Variants in LRRC1 observed in about 807,000 individuals in gnomAD.
The protein encoded by LRRC1 is leucine rich repeat containing 1.
In LRRC1, 28 loss-of-function variants were observed where a neutral mutation model predicts 69.9. That is an observed-to-expected ratio of 0.40 (90% confidence interval 0.30 to 0.55). The LOEUF is 0.55. Among genes scored for constraint, LRRC1 ranks in the 20% least tolerant of loss-of-function variants. The probability of loss-of-function intolerance (pLI) is 0.47; values close to 1 mark genes in which losing one functional copy is unlikely to be tolerated. For missense variants in LRRC1, 498 were observed against 609.0 expected (o/e 0.82, Z 1.92); for synonymous variants, 236 against 240.2 (o/e 0.98, Z 0.16).
At chr6:53,847,242 T>C (rs1765977454) in intron 2 of LRRC1, among the ~76,000 whole-genome samples, 1 of 152,184 alleles carries the variant, frequency 6.6e-6, no homozygotes, top group Non-Finnish European at 1.5e-5. Context: ...AGCTTTGAAT[T>C]CGTGTTAGTG....
At chr6:53,883,867 T>C in intron 4 of LRRC1, 1 of 715,444 alleles carries the variant, frequency 1.4e-6, no homozygotes, top group South Asian at 1.5e-5. Context: ...CAGTCTGACA[T>C]GTCTGTTTTG....
intron 9 of LRRC1, 23 bp from the exon 10 acceptor site, chr6:53,904,356 T>C (rs977114032): frequency 1.2e-5 from 18 of 1,447,016 alleles, no homozygotes; most frequent in Non-Finnish European, 1.7e-5. Context: ...GTTAAATTAA[T>C]AGTGAAATTG....
At chr6:53,805,941 C>A (rs1203187346) in intron 1 of LRRC1, among the ~76,000 whole-genome samples, 1 of 152,234 alleles carries the variant, frequency 6.6e-6, no homozygotes, top group Admixed American at 6.5e-5. Context: ...ACCACCTCAC[C>A]TTCCCTCAGC....
chr6:53,898,608 C>T (rs181786871), intron 7 of LRRC1, among the ~76,000 whole-genome samples: 1 of 152,226 alleles, frequency 6.6e-6, no homozygotes, highest in East Asian at 1.9e-4. Context: ...AGCATAAACA[C>T]ACCAAAAAGT....
At chr6:53,797,774 T>A (rs1473159835) in intron 1 of LRRC1, among the ~76,000 whole-genome samples, 4 of 152,222 alleles carry the variant, frequency 2.6e-5, no homozygotes, top group African/African-American at 9.6e-5. Flanking sequence ...CAACTTCTGG[T>A]TTGCGCCAAT....
chr6:53,832,940 T>C (rs1254994457), intron 1 of LRRC1, among the ~76,000 whole-genome samples: 1 of 152,240 alleles, frequency 6.6e-6, no homozygotes, highest in Non-Finnish European at 1.5e-5. Flanking sequence ...TATTATATTA[T>C]TAAATATTCT....
At chr6:53,872,130 T>C (rs773946714) in intron 2 of LRRC1, among the ~76,000 whole-genome samples, 4 of 152,196 alleles carry the variant, frequency 2.6e-5, no homozygotes, top group Non-Finnish European at 5.9e-5. Flanking sequence ...TTATATATGG[T>C]GAGAGATAGG....
intron 11 of LRRC1, among the ~76,000 whole-genome samples, chr6:53,917,262 A>C (rs1180169128): frequency 6.6e-6 from 1 of 152,176 alleles, no homozygotes; most frequent in Non-Finnish European, 1.5e-5. Flanking sequence ...TTCAGGGAAC[A>C]GTGCCTTTTT....
chr6:53,914,818 C>G (rs1768516701), intron 11 of LRRC1, among the ~76,000 whole-genome samples: 1 of 152,146 alleles, frequency 6.6e-6, no homozygotes, highest in African/African-American at 2.4e-5. Flanking sequence ...TGGGGAATTT[C>G]CCCTGCCATG....
intron 2 of LRRC1, among the ~76,000 whole-genome samples, chr6:53,853,117 G>A (rs1309673764): frequency 5.9e-5 from 9 of 152,104 alleles, no homozygotes; most frequent in Non-Finnish European, 1.2e-4. Flanking sequence ...CTAGTTGAGT[G>A]TCTTTTATAA....
chr6:53,830,380 C>G (rs1437928856), intron 1 of LRRC1, among the ~76,000 whole-genome samples: 3 of 152,192 alleles, frequency 2.0e-5, no homozygotes, highest in Non-Finnish European at 4.4e-5. Context: ...TTGTTGGATA[C>G]TAATGGTCTG....
Position 53,795,020 on chromosome 6 carries a change from C to T in LRRC1, c.-237C>T, listed in dbSNP as rs1031564854. The T allele has an allele frequency of 1.4e-5, 5 of 368,286 alleles. No homozygotes were observed. Among genetic ancestry groups the T allele is most frequent in the African/African-American group, 4.2e-5 (2 of 47,258 alleles). 22.8% of individuals were successfully genotyped at this position (368,286 alleles called of 1,614,324 possible). A position where few individuals can be genotyped will look rare whatever the true frequency, so the allele number is the denominator to read the frequency against. Reference sequence around the variant, plus strand: ...CGGCGGGGGCGGCGACGGCGACTGGCGGGTGGGAGTGGAGGCACCGGCTGG... The same window carrying T: ...CGGCGGGGGCGGCGACGGCGACTGGTGGGTGGGAGTGGAGGCACCGGCTGG... On this transcript the variant is annotated 5_prime_UTR_variant, in exon 1 of 14. Transcript: ENST00000370888.
intron 2 of LRRC1, among the ~76,000 whole-genome samples, chr6:53,872,821 T>A (rs1241241913): frequency 1.4e-5 from 2 of 146,038 alleles, no homozygotes; most frequent in Non-Finnish European, 3.0e-5. Flanking sequence ...CAGTGGTACA[T>A]TCTTGGATCA....
intron 11 of LRRC1, among the ~76,000 whole-genome samples, chr6:53,915,993 G>A (rs1019996387): frequency 1.1e-4 from 17 of 149,498 alleles, no homozygotes; most frequent in Admixed American, 1.1e-3. Flanking sequence ...ATAACACATG[G>A]CAGCAGGAAA....
chr6:53,806,018 G>GT (rs1764627416), intron 1 of LRRC1, among the ~76,000 whole-genome samples: 1 of 152,100 alleles, frequency 6.6e-6, no homozygotes, highest in Admixed American at 6.5e-5. Context: ...CTTAGTCTTC[G>GT]TTTTTTGTAG....
At chr6:53,920,375 A>G (rs940464171) in intron 12 of LRRC1, among the ~76,000 whole-genome samples, 1 of 152,268 alleles carries the variant, frequency 6.6e-6, no homozygotes, top group African/African-American at 2.4e-5. Context: ...GATATTTTAT[A>G]TGATCTCAAA....
chr6:53,826,331 A>C (rs1765256953), intron 1 of LRRC1, among the ~76,000 whole-genome samples: 1 of 152,074 alleles, frequency 6.6e-6, no homozygotes, highest in South Asian at 2.1e-4. Context: ...GTTTATGTTA[A>C]TAGAGGAACC....
intron 1 of LRRC1, among the ~76,000 whole-genome samples, chr6:53,826,373 T>C (rs553250084): frequency 4.9e-4 from 75 of 152,066 alleles, no homozygotes; most frequent in Non-Finnish European, 8.4e-4. Flanking sequence ...CTTGAAATAA[T>C]AAAGGATGTC....
chr6:53,819,371 G>A (rs973930837), intron 1 of LRRC1, among the ~76,000 whole-genome samples: 2 of 152,068 alleles, frequency 1.3e-5, no homozygotes, highest in African/African-American at 2.4e-5. Flanking sequence ...TGTCATTTAA[G>A]GGCCTTGAAA....
Sources: gnomAD v4.1 joint callset for allele counts (sites outside exome capture counted in the v4.1 genomes callset) on GRCh38, gnomAD v4.1.1 for gene constraint, MANE v1.5 for transcripts, NCBI Gene and HGNC (gene_info 2026-07-23, HGNC 2026-07-21) for gene names.